SLC35D1: variants seen among roughly 807,000 people sequenced by gnomAD.
SLC35D1 encodes nucleotide sugar transporter SLC35D1.
A neutral mutation model predicts 46.7 loss-of-function variants in SLC35D1; 31 were observed. The ratio of observed to expected loss-of-function variants is 0.66; its 90% CI spans 0.50 to 0.90. The LOEUF is 0.90. Ranked by LOEUF, SLC35D1 falls within the 40% of genes least tolerant of loss-of-function variation. SLC35D1 has a pLI of 0.00. For synonymous variants in SLC35D1, 195 were observed against 164.6 expected, an observed-to-expected ratio of 1.18 and a Z score of -1.41; for missense variants, 397 against 426.2, an observed-to-expected ratio of 0.93 and a Z score of 0.60.
intron 8 of SLC35D1, among the ~76,000 whole-genome samples, chr1:67,036,281 T>G (rs997142594): frequency 2.2e-4 from 34 of 152,162 alleles, no homozygotes; most frequent in African/African-American, 8.0e-4. Context: ...ACTGGGGTGT[T>G]GTAGTTTCCA....
chr1:67,000,890 G>A lies in SLC35D1; in HGVS notation c.*3450C>T, dbSNP rs376314733. On this transcript the variant is annotated 3_prime_UTR_variant, in exon 12 of 12. Coordinates refer to ENST00000235345, the MANE Select transcript of SLC35D1 (RefSeq NM_015139.3). ...TAATATGAGTTACAAAAGTCCTCTC[G>A]GATTAAAAAAATGCTTTAGCTCTGT... 3.9e-5 allele frequency: 6 copies of A among 152,224 alleles called. No individual in the cohort carries two copies. The East Asian group carries it at 5.6e-4, about 14-fold the overall frequency. The allele number at this position is 152,224 out of a possible 1,614,324, so 9.4% of individuals were successfully genotyped here.
At chr1:67,044,650 G>GT (rs1222797010) in intron 7 of SLC35D1, among the ~76,000 whole-genome samples, 7 of 152,096 alleles carry the variant, frequency 4.6e-5, no homozygotes, top group Admixed American at 3.3e-4. Flanking sequence ...GCTTATCCAT[G>GT]TTTTCTACTA....
chr1:66,997,888 A>T (rs1667260447), downstream of SLC35D1, among the ~76,000 whole-genome samples: 1 of 151,218 alleles, frequency 6.6e-6, no homozygotes, highest in South Asian at 2.1e-4. Flanking sequence ...CAGAATATAA[A>T]GAATTCTTAC....
downstream of SLC35D1, among the ~76,000 whole-genome samples, chr1:66,996,511 G>A (rs1433534850): frequency 3.3e-5 from 5 of 152,276 alleles, 1 homozygote; most frequent in South Asian, 8.3e-4. Flanking sequence ...TGACCACACC[G>A]GGCAAGTGTG....
At chr1:67,023,772 A>T (rs1667860875) in intron 8 of SLC35D1, among the ~76,000 whole-genome samples, 1 of 150,508 alleles carries the variant, frequency 6.6e-6, no homozygotes, top group Non-Finnish European at 1.5e-5. Flanking sequence ...AGAGGTACAA[A>T]AGAGGTGCCC....
Position 67,052,031 on chromosome 1 carries a change from A to C in SLC35D1, c.373T>G (p.Phe125Val). Residue 125 changes from phenylalanine (F) to valine (V), a missense_variant, in exon 4 of 12, where the codon TTC becomes GTC. Transcript: ENST00000235345. ...LYFGNQITGL[F>V]STKKLNLPMF... is the part of the protein sequence containing the mutation. ...CCATACTTCAGTTTCTTTGTGCTGAACAGTCCCGTGATTTGGTTCCCAAAA... is the reference window on the plus strand; with the variant it reads ...CCATACTTCAGTTTCTTTGTGCTGACCAGTCCCGTGATTTGGTTCCCAAAA... The C allele has an allele frequency of 6.2e-7, 1 of 1,609,650 alleles. No individual in the cohort carries two copies. The highest frequency in any genetic ancestry group is 8.5e-7 in the Non-Finnish European group (1 of 1,176,036).
At chr1:66,985,450 T>C in the SLC35D1 span, 3 of 983,160 alleles carry the variant, frequency 3.1e-6, no homozygotes, top group East Asian at 2.2e-4. Flanking sequence ...TTTTTATATA[T>C]AGAAGTTTAA....
At chr1:67,053,154 G>A (rs1164552087) in intron 1 of SLC35D1, among the ~76,000 whole-genome samples, 165 bp from the exon 2 acceptor site, 1 of 152,160 alleles carries the variant, frequency 6.6e-6, no homozygotes, top group African/African-American at 2.4e-5. Flanking sequence ...CTGCCTGTTG[G>A]TTGTCAGTCC....
chr1:67,049,949 AACAATCGTATTTTAAAC>A, intron 5 of SLC35D1, 99 bp from the exon 6 acceptor site: 1 of 861,754 alleles, frequency 1.2e-6, no homozygotes, highest in Non-Finnish European at 1.9e-6. Flanking sequence ...AAAAGCTATA[AACAATCGTATTTTAAAC>A]ATTTCTGAGA....
At chr1:66,997,519 A>AAAATATATAT (rs1553262615), downstream of SLC35D1, among the ~76,000 whole-genome samples, 102 of 74,030 alleles carry the variant, frequency 1.4e-3, 1 homozygote, top group Admixed American at 5.5e-3. Flanking sequence ...AAAAAAAAAA[A>AAAATATATAT]ATATATATAT....
chr1:66,978,246 C>CAGA, the SLC35D1 span, among the ~76,000 whole-genome samples: 7 of 151,186 alleles, frequency 4.6e-5, no homozygotes, highest in Non-Finnish European at 1.0e-4. Context: ...TCTTGCTCTT[C>CAGA]AGACTCCTAA....
At chr1:66,993,766 C>G in the SLC35D1 span, among the ~76,000 whole-genome samples, 1 of 152,110 alleles carries the variant, frequency 6.6e-6, no homozygotes, top group Non-Finnish European at 1.5e-5. Context: ...TGTGTCAATA[C>G]ACAAGGTGCT....
chr1:66,997,955 A>G (rs187313445), downstream of SLC35D1, among the ~76,000 whole-genome samples: 436 of 152,028 alleles, frequency 2.9e-3, 5 homozygotes, highest in Admixed American at 0.021. Context: ...ATCATTAGGA[A>G]AATACAAATC....
chr1:67,046,698 C>A (rs1038299140), intron 7 of SLC35D1, among the ~76,000 whole-genome samples: 28 of 152,260 alleles, frequency 1.8e-4, no homozygotes, highest in African/African-American at 6.7e-4. Context: ...ACTCAGCTTT[C>A]TAATAATCTG....
downstream of SLC35D1, among the ~76,000 whole-genome samples, chr1:66,994,921 GAA>G (rs61387414): frequency 5.7e-4 from 55 of 96,506 alleles, no homozygotes; most frequent in Non-Finnish European, 9.9e-4. Flanking sequence ...GGCAAAAAAA[GAA>G]AAAAAAAAAA....
At chr1:66,983,139 C>T in the SLC35D1 span, among the ~76,000 whole-genome samples, 148 of 152,238 alleles carry the variant, frequency 9.7e-4, no homozygotes, top group Non-Finnish European at 1.5e-3. Context: ...ACATTACGTA[C>T]AGTCAAAACT....
intron 8 of SLC35D1, among the ~76,000 whole-genome samples, chr1:67,023,535 G>T (rs1310300459): frequency 1.3e-5 from 2 of 150,772 alleles, no homozygotes; most frequent in Non-Finnish European, 2.9e-5. Flanking sequence ...GCGCAGGCTG[G>T]AGTGTAGTGG....
At chr1:67,024,221 C>A (rs893800011) in intron 8 of SLC35D1, among the ~76,000 whole-genome samples, 1 of 152,202 alleles carries the variant, frequency 6.6e-6, no homozygotes, top group Admixed American at 6.5e-5. Flanking sequence ...GCTGGGATTA[C>A]AGTCGTGAGC....
the SLC35D1 span, chr1:66,985,321 A>T: frequency 4.1e-6 from 4 of 985,472 alleles, no homozygotes; most frequent in South Asian, 1.9e-4. Context: ...TTTCTGCTTA[A>T]TACCAATTTC....
Sources: allele counts gnomAD v4.1 joint callset (sites outside exome capture counted in the v4.1 genomes callset), GRCh38; gene constraint gnomAD v4.1.1; transcripts MANE v1.5; gene names NCBI Gene and HGNC (gene_info 2026-07-23, HGNC 2026-07-21).